Variants in HERC3 observed in about 807,000 individuals in gnomAD.
HERC3 encodes the protein probable E3 ubiquitin-protein ligase HERC3.
HERC3 carries 58 observed loss-of-function variants against 129.9 expected under a neutral mutation model. The ratio of observed to expected loss-of-function variants is 0.45; its 90% confidence interval spans 0.36 to 0.56. The LOEUF (loss-of-function observed/expected upper bound fraction) is 0.56. Ranked by LOEUF, HERC3 falls within the 20% of genes least tolerant of loss-of-function variation. HERC3 has a pLI of 0.00. For synonymous variants in HERC3, 430 were observed against 451.0 expected, an observed-to-expected ratio of 0.95 and a Z score of 0.59; for missense variants, 835 against 1,244.2, an observed-to-expected ratio of 0.67 and a Z score of 4.95.
At position 88,688,815 on chromosome 4, in the gene HERC3, CAA is replaced by C. The variant is rs1484509385; in HGVS notation, c.2657+1517_2657+1518del. On this transcript the variant is annotated intron_variant, in intron 23 of 25. Coordinates refer to ENST00000402738, the MANE Select transcript of HERC3 (RefSeq NM_014606.3). Reference sequence around the variant, plus strand: ...AAGAAAGAAGTGGTGAAATGAAAAACAAGAGCAAGGAAAACGTAATTTCTTAG... The same window carrying C: ...AAGAAAGAAGTGGTGAAATGAAAAACGAGCAAGGAAAACGTAATTTCTTAG... Among the ~76,000 whole-genome samples, 3 of 152,202 alleles carry C rather than the reference CAA, an allele frequency of 2.0e-5. No individual in the cohort carries two copies. In the East Asian group the frequency reaches 5.8e-4, roughly 29 times the overall value.
chr4:88,616,418 G>A (rs191401168), intron 3 of HERC3, among the ~76,000 whole-genome samples: 2 of 152,320 alleles, frequency 1.3e-5, no homozygotes, highest in Admixed American at 6.5e-5. Context: ...TGAAAGTCTT[G>A]TAGTGGTTTG....
the HERC3 span, among the ~76,000 whole-genome samples, chr4:88,572,397 G>A: frequency 4.6e-5 from 7 of 152,000 alleles, no homozygotes; most frequent in Non-Finnish European, 1.0e-4. Flanking sequence ...CTGCACTCCA[G>A]CCTGGGTGAC....
rs1244822948 is a variant in HERC3 at position 88,708,094 on chromosome 4, T to G, written c.*1134T>G. 1.3e-5 allele frequency: 2 copies of G among 152,590 alleles called. No individual in the cohort carries two copies. The highest frequency in any genetic ancestry group is 2.4e-5 in the African/African-American group (1 of 41,438). The allele number at this position is 152,590 out of a possible 1,614,324, so 9.5% of individuals were successfully genotyped here. A position where few individuals can be genotyped will look rare whatever the true frequency, so the allele number is the denominator to read the frequency against. On this transcript the variant is annotated 3_prime_UTR_variant, in exon 26 of 26. Coordinates refer to ENST00000402738, the MANE Select transcript of HERC3 (RefSeq NM_014606.3). Reference sequence around the variant, plus strand: ...TTCCTCTTCCCTAATTGCTAAGATTTAAGGACGTTCTTTATTATGAAACTT... The same window carrying G: ...TTCCTCTTCCCTAATTGCTAAGATTGAAGGACGTTCTTTATTATGAAACTT...
Position 88,655,143 on chromosome 4 carries a change from G to A in HERC3, c.778-31G>A, listed in dbSNP as rs2282594. Reference sequence around the variant, plus strand: ...TTAGAGGTATACCCTTAAAGATACAGTGAAGTCCTATGGTGTTTGTTCCTT... The same window carrying A: ...TTAGAGGTATACCCTTAAAGATACAATGAAGTCCTATGGTGTTTGTTCCTT... On this transcript the variant is annotated intron_variant, in intron 7 of 25. Coordinates refer to ENST00000402738, the MANE Select transcript of HERC3 (RefSeq NM_014606.3). 28,861 of 1,612,444 alleles carry A rather than the reference G, an allele frequency of 0.018. 2,108 individuals are homozygous for A. The East Asian group carries it at 0.27, about 15-fold the overall frequency.
chr4:88,635,478 A>G (rs1313101832), intron 3 of HERC3, among the ~76,000 whole-genome samples: 1 of 152,072 alleles, frequency 6.6e-6, no homozygotes, highest in African/African-American at 2.4e-5. Flanking sequence ...GAATGAACAA[A>G]ACCTCTGAGA....
At chr4:88,706,111 A>C (rs375661328) in intron 25 of HERC3, among the ~76,000 whole-genome samples, 44 of 152,316 alleles carry the variant, frequency 2.9e-4, no homozygotes, top group African/African-American at 9.9e-4. Flanking sequence ...TTTGGCAAGA[A>C]ACTTTATGTA....
the HERC3 span, among the ~76,000 whole-genome samples, chr4:88,579,219 T>TAAA: frequency 3.4e-5 from 4 of 117,056 alleles, no homozygotes; most frequent in Non-Finnish European, 4.9e-5. Flanking sequence ...CTGTCTCTAC[T>TAAA]AAAAAAAAAA....
At chr4:88,697,233 G>A in intron 23 of HERC3, 2 of 1,525,608 alleles carry the variant, frequency 1.3e-6, no homozygotes, top group South Asian at 1.3e-5. Flanking sequence ...CAGGCATCTC[G>A]GCGTGGGCAT....
intron 4 of HERC3, 81 bp downstream of exon 4, chr4:88,650,080 T>C: frequency 7.2e-7 from 1 of 1,391,484 alleles, no homozygotes; most frequent in African/African-American, 1.4e-5. Flanking sequence ...TTTCTTCTGT[T>C]TTCTTCATTT....
At chr4:88,640,048 A>G (rs1304092089) in intron 3 of HERC3, among the ~76,000 whole-genome samples, 2 of 152,238 alleles carry the variant, frequency 1.3e-5, no homozygotes, top group African/African-American at 2.4e-5. Context: ...CACCAGTCAG[A>G]ATGGCGATTA....
the HERC3 span, among the ~76,000 whole-genome samples, chr4:88,544,909 G>A: frequency 6.6e-6 from 1 of 152,286 alleles, no homozygotes; most frequent in Non-Finnish European, 1.5e-5. Context: ...TGTGGGGTGG[G>A]ATGCTGGGGG....
the HERC3 span, among the ~76,000 whole-genome samples, chr4:88,569,448 T>C: frequency 6.6e-6 from 1 of 152,260 alleles, no homozygotes; most frequent in African/African-American, 2.4e-5. Context: ...CACTTGATTT[T>C]TGGTTCTTAT....
chr4:88,625,695 T>C (rs1002800343), intron 3 of HERC3, among the ~76,000 whole-genome samples: 6 of 152,192 alleles, frequency 3.9e-5, no homozygotes, highest in African/African-American at 1.4e-4. Flanking sequence ...TAGTAATGAA[T>C]AGAAGTGGCA....
At chr4:88,538,779 G>A in the HERC3 span, among the ~76,000 whole-genome samples, 3 of 152,062 alleles carry the variant, frequency 2.0e-5, no homozygotes, top group South Asian at 2.1e-4. Flanking sequence ...TCCTGACCTC[G>A]TGATCTGCCC....
At chr4:88,626,878 GTTTGT>G (rs1010357602) in intron 3 of HERC3, among the ~76,000 whole-genome samples, 6 of 137,256 alleles carry the variant, frequency 4.4e-5, no homozygotes, top group African/African-American at 1.7e-4. Context: ...TATTCTTTTT[GTTTGT>G]TTTGTTTTCT....
chr4:88,666,150 G>C (rs147792209), intron 12 of HERC3, among the ~76,000 whole-genome samples: 1 of 152,294 alleles, frequency 6.6e-6, no homozygotes, highest in Non-Finnish European at 1.5e-5. Context: ...CTCTTGGCCA[G>C]ACTTGTTAGG....
At chr4:88,551,376 C>A in the HERC3 span, among the ~76,000 whole-genome samples, 3 of 145,338 alleles carry the variant, frequency 2.1e-5, no homozygotes, top group Admixed American at 2.1e-4. Flanking sequence ...ATTTTTGCAA[C>A]CTACTCATCT....
chr4:88,673,705 G>A (rs961305712), intron 16 of HERC3, among the ~76,000 whole-genome samples: 1 of 152,092 alleles, frequency 6.6e-6, no homozygotes, highest in African/African-American at 2.4e-5. Context: ...ATACCAGTGT[G>A]AGTACAATTT....
intron 23 of HERC3, chr4:88,690,737 CT>C: frequency 2.4e-6 from 1 of 421,050 alleles, no homozygotes; most frequent in Non-Finnish European, 3.2e-6. Flanking sequence ...TTGTCTCTGT[CT>C]TTTTTGTTCT....
Sources: allele counts gnomAD v4.1 joint callset (sites outside exome capture counted in the v4.1 genomes callset), GRCh38; gene constraint gnomAD v4.1.1; transcripts MANE v1.5; gene names NCBI Gene and HGNC (gene_info 2026-07-23, HGNC 2026-07-21).